TECRL: variants seen among roughly 807,000 people sequenced by gnomAD.
The protein encoded by TECRL is trans-2,3-enoyl-CoA reductase-like.
TECRL carries 63 observed loss-of-function variants against 52.8 expected under a neutral mutation model. The ratio of observed to expected loss-of-function variants is 1.19; its 90% CI spans 0.97 to 1.47. The LOEUF is 1.47. TECRL is among the 40% of genes most tolerant of loss of function. TECRL has a pLI of 0.00. For missense variants in TECRL, 482 were observed against 429.6 expected, an observed-to-expected ratio of 1.12 and a Z score of -1.08; for synonymous variants, 164 against 141.9, an observed-to-expected ratio of 1.16 and a Z score of -1.10.
At chr4:64,385,359 G>A (rs1723103578) in intron 1 of TECRL, among the ~76,000 whole-genome samples, 1 of 152,200 alleles carries the variant, frequency 6.6e-6, no homozygotes, top group African/African-American at 2.4e-5. Flanking sequence ...GTTTGGAGCA[G>A]CCTGTTGATA....
chr4:64,281,897 T>C (rs1302200380), intron 9 of TECRL, among the ~76,000 whole-genome samples: 2 of 151,904 alleles, frequency 1.3e-5, no homozygotes, highest in African/African-American at 4.8e-5. Context: ...ATGCTGAAAT[T>C]ATAAAGTGTG....
intron 2 of TECRL, among the ~76,000 whole-genome samples, chr4:64,368,307 T>C (rs1409977513): frequency 9.8e-6 from 1 of 102,436 alleles, no homozygotes; most frequent in Non-Finnish European, 2.2e-5. Flanking sequence ...GTTTGTTTGT[T>C]TGTTTGAGAC....
At position 64,339,107 on chromosome 4, in the gene TECRL, A is replaced by T. The variant is rs541058907; in HGVS notation, c.287-10551T>A. 3.3e-5 allele frequency among the ~76,000 whole-genome samples: 5 copies of T among 152,196 alleles called. No homozygotes were observed. The South Asian group carries it at 1.0e-3, about 32-fold the overall frequency. ...ACCATGGAATACTATGTAGCCATAA[A>T]AAATGATGAGTTCATGTCCTTTGTA... On this transcript the variant is annotated intron_variant, in intron 2 of 11. Transcript: ENST00000381210.
At chr4:64,330,639 A>G (rs1718574519) in intron 2 of TECRL, among the ~76,000 whole-genome samples, 1 of 152,118 alleles carries the variant, frequency 6.6e-6, no homozygotes, top group South Asian at 2.1e-4. Flanking sequence ...TGTCTCTACC[A>G]CAAATAAAAG....
rs1724963452 is a variant in TECRL, at chr4:64,409,417, T to A, written c.-66A>T. 3.8e-6 allele frequency: 6 copies of A among 1,575,294 alleles called. No individual in the cohort carries two copies. The South Asian group carries it at 7.0e-5, about 18-fold the overall frequency. On this transcript the variant is annotated 5_prime_UTR_variant, in exon 1 of 12. It removes an upstream start codon present in the reference 5' UTR. Coordinates refer to ENST00000381210, the MANE Select transcript of TECRL (RefSeq NM_001010874.5). Reference sequence around the variant, plus strand: ...AAATTGCAAGTGTGTTCCTTTTGCATCAGTTAAATACTGCTGGAGAACCTT... The same window carrying A: ...AAATTGCAAGTGTGTTCCTTTTGCAACAGTTAAATACTGCTGGAGAACCTT...
At chr4:64,313,547 T>G (rs1205861720) in intron 5 of TECRL, among the ~76,000 whole-genome samples, 1 of 145,752 alleles carries the variant, frequency 6.9e-6, no homozygotes, top group Non-Finnish European at 1.5e-5. Context: ...AGTGGTGCGA[T>G]CTCAGCTCAC....
intron 2 of TECRL, among the ~76,000 whole-genome samples, chr4:64,352,984 G>A (rs1720504097): frequency 6.6e-6 from 1 of 152,160 alleles, no homozygotes; most frequent in Non-Finnish European, 1.5e-5. Context: ...CTCCTGAGTA[G>A]CTTGGATTAC....
intron 2 of TECRL, among the ~76,000 whole-genome samples, chr4:64,351,070 C>A: frequency 1.8e-5 from 1 of 56,558 alleles, no homozygotes; most frequent in Non-Finnish European, 4.9e-5. Context: ...AGTTCTCACT[C>A]ATATTTAGAA....
intron 8 of TECRL, among the ~76,000 whole-genome samples, chr4:64,299,436 AT>A (rs1560480097): frequency 6.6e-6 from 1 of 151,168 alleles, no homozygotes; most frequent in Non-Finnish European, 1.5e-5. Context: ...GAAATAATTA[AT>A]GCATTTTAGA....
chr4:64,358,970 T>G (rs1030983237), intron 2 of TECRL, among the ~76,000 whole-genome samples: 1 of 151,902 alleles, frequency 6.6e-6, no homozygotes, highest in African/African-American at 2.4e-5. Flanking sequence ...ACCAATAATT[T>G]ATGATATTTT....
chr4:64,372,116 A>C (rs2109663445), intron 2 of TECRL, among the ~76,000 whole-genome samples: 2 of 151,926 alleles, frequency 1.3e-5, no homozygotes, highest in East Asian at 3.9e-4. Context: ...TGAGCAGATG[A>C]ACATGAATAG....
At chr4:64,373,912 T>A (rs1035757485) in intron 2 of TECRL, among the ~76,000 whole-genome samples, 7 of 148,350 alleles carry the variant, frequency 4.7e-5, no homozygotes, top group Non-Finnish European at 8.9e-5. Flanking sequence ...ACACCAAAAA[T>A]ACTTATATAT....
chr4:64,283,209 G>A (rs984434669), intron 9 of TECRL, among the ~76,000 whole-genome samples: 29 of 152,018 alleles, frequency 1.9e-4, no homozygotes, highest in African/African-American at 6.5e-4. Context: ...AGACTATATC[G>A]CTCTCAATTT....
rs1373780409 is a variant in TECRL, at chr4:64,299,968, A to T, written c.774+6T>A. 5 of 1,567,990 alleles carry T rather than the reference A, an allele frequency of 3.2e-6. No homozygotes were observed. The highest frequency in any genetic ancestry group is 3.5e-6 in the Non-Finnish European group (4 of 1,152,154). On this transcript the variant is annotated splice_donor_region_variant and intron_variant, in intron 8 of 11. Coordinates refer to ENST00000381210, the MANE Select transcript of TECRL (RefSeq NM_001010874.5). The stretch of plus-strand genomic sequence containing the variant: ...GTGAATAGCAAAATATATATATGAT[A>T]CATACCAGAAAATTGATAGCAGATA...
chr4:64,301,076 C>T (rs1382582236), intron 7 of TECRL, among the ~76,000 whole-genome samples: 3 of 150,098 alleles, frequency 2.0e-5, no homozygotes, highest in Non-Finnish European at 3.0e-5. Context: ...ATATACAAAC[C>T]ATATGTACAT....
At chr4:64,355,490 T>C (rs1720698533) in intron 2 of TECRL, among the ~76,000 whole-genome samples, 1 of 151,918 alleles carries the variant, frequency 6.6e-6, no homozygotes, top group African/African-American at 2.4e-5. Context: ...AATTAAGAAG[T>C]TGTATTATTA....
At chr4:64,342,631 T>C (rs1466426179) in intron 2 of TECRL, among the ~76,000 whole-genome samples, 2 of 152,068 alleles carry the variant, frequency 1.3e-5, no homozygotes, top group Non-Finnish European at 2.9e-5. Flanking sequence ...TATTCTCAGG[T>C]AAATGATTTC....
downstream of TECRL, among the ~76,000 whole-genome samples, chr4:64,277,231 T>C (rs1280100435): frequency 6.6e-6 from 1 of 151,902 alleles, no homozygotes; most frequent in Non-Finnish European, 1.5e-5. Context: ...AGGTACCCCA[T>C]ACTTAAAGTC....
At chr4:64,375,476 T>G (rs191311663) in intron 1 of TECRL, among the ~76,000 whole-genome samples, 1 of 151,992 alleles carries the variant, frequency 6.6e-6, no homozygotes, top group Non-Finnish European at 1.5e-5. Flanking sequence ...TTTGTATCCC[T>G]AAGATATATT....
Sources: gnomAD v4.1 joint callset for allele counts (sites outside exome capture counted in the v4.1 genomes callset) on GRCh38, gnomAD v4.1.1 for gene constraint, MANE v1.5 for transcripts, NCBI Gene and HGNC (gene_info 2026-07-23, HGNC 2026-07-21) for gene names.